The following TMEM9 variants were observed in gnomAD, a reference collection of about 807,000 sequenced individuals.
TMEM9 encodes the protein transmembrane protein 9.
In TMEM9, 13 loss-of-function variants were observed where a neutral mutation model predicts 22.8. The ratio of observed to expected loss-of-function variants is 0.57; its 90% CI spans 0.37 to 0.91. TMEM9 has a LOEUF of 0.91. Ranked by LOEUF, TMEM9 falls within the 40% of genes least tolerant of loss-of-function variation. The pLI, the probability that TMEM9 is intolerant of heterozygous loss-of-function variation, is 0.01. For synonymous variants in TMEM9, 88 were observed against 93.0 expected (o/e 0.95, Z 0.31); for missense variants, 182 against 238.1 (o/e 0.76, Z 1.55).
intron 2 of TMEM9, among the ~76,000 whole-genome samples, chr1:201,151,374 G>A (rs1249277212): frequency 6.6e-6 from 1 of 152,164 alleles, no homozygotes; most frequent in Non-Finnish European, 1.5e-5. Flanking sequence ...ACTTTACAAG[G>A]ATGCTATAAG....
intron 4 of TMEM9, among the ~76,000 whole-genome samples, chr1:201,138,038 T>TG (rs760743221): frequency 6.6e-6 from 1 of 152,324 alleles, no homozygotes; most frequent in East Asian, 1.9e-4. Context: ...GACTTGGCTC[T>TG]GGGGGCTGGA....
At chr1:201,147,173 T>G (rs1665047123) in intron 2 of TMEM9, among the ~76,000 whole-genome samples, 1 of 152,206 alleles carries the variant, frequency 6.6e-6, no homozygotes, top group African/African-American at 2.4e-5. Context: ...TGTGCTCATC[T>G]GTCCCAAAGG....
At chr1:201,164,012 T>C (rs910656486) in intron 1 of TMEM9, among the ~76,000 whole-genome samples, 2 of 152,212 alleles carry the variant, frequency 1.3e-5, no homozygotes, top group African/African-American at 4.8e-5. Flanking sequence ...TTAAACAAAC[T>C]TCAGTATGTC....
chr1:201,143,097 G>A (rs1482062756), intron 4 of TMEM9, among the ~76,000 whole-genome samples: 1 of 152,218 alleles, frequency 6.6e-6, no homozygotes, highest in Admixed American at 6.5e-5. Flanking sequence ...TCCAAGCCCT[G>A]CCAGCTCCCC....
intron 1 of TMEM9, among the ~76,000 whole-genome samples, chr1:201,164,422 AT>A (rs1336086582): frequency 1.3e-5 from 2 of 152,178 alleles, no homozygotes; most frequent in African/African-American, 4.8e-5. Flanking sequence ...TCAAAAGTTA[AT>A]TTTTTAAAAG....
intron 1 of TMEM9, chr1:201,171,466 C>T (rs1666208725): frequency 6.6e-6 from 1 of 152,266 alleles, no homozygotes; most frequent in Non-Finnish European, 1.5e-5. Context: ...CACATAAACA[C>T]TTCACACGAG....
intron 4 of TMEM9, among the ~76,000 whole-genome samples, chr1:201,139,745 G>A (rs140642958): frequency 4.6e-5 from 7 of 152,192 alleles, no homozygotes; most frequent in South Asian, 2.1e-4. Flanking sequence ...TCTTAAGGAC[G>A]AGCAAACACT....
intron 1 of TMEM9, among the ~76,000 whole-genome samples, chr1:201,164,945 A>C (rs1666035234): frequency 6.6e-6 from 1 of 151,876 alleles, no homozygotes; most frequent in South Asian, 2.1e-4. Context: ...TCTGATTGGC[A>C]GTCTCCCTAG....
chr1:201,156,013 G>A (rs574256592), upstream of TMEM9, among the ~76,000 whole-genome samples: 42 of 152,184 alleles, frequency 2.8e-4, no homozygotes, highest in African/African-American at 1.0e-3. Flanking sequence ...TTCAAGTACT[G>A]GAAAAAGACA....
intron 1 of TMEM9, among the ~76,000 whole-genome samples, chr1:201,167,286 G>A (rs542080175): frequency 6.6e-5 from 10 of 152,180 alleles, no homozygotes; most frequent in Admixed American, 3.3e-4. Context: ...CTCTCTGAAG[G>A]CTCAGAGGTT....
chr1:201,143,528 G>A (rs915470193), intron 4 of TMEM9, among the ~76,000 whole-genome samples: 16 of 152,322 alleles, frequency 1.1e-4, no homozygotes, highest in Non-Finnish European at 1.8e-4. Context: ...GTATCTATGT[G>A]TGACTGGCTC....
At chr1:201,136,651 G>C (rs80030977) in intron 4 of TMEM9, among the ~76,000 whole-genome samples, 1 of 152,238 alleles carries the variant, frequency 6.6e-6, no homozygotes, top group South Asian at 2.1e-4. Flanking sequence ...TGTTGCTGCC[G>C]TCAAAAGCAT....
At chr1:201,165,338 G>A (rs1047971122) in intron 1 of TMEM9, among the ~76,000 whole-genome samples, 2 of 151,414 alleles carry the variant, frequency 1.3e-5, no homozygotes, top group African/African-American at 4.8e-5. Context: ...AGCCAAGGGT[G>A]TAATGCTCAT....
At chr1:201,159,819 C>T (rs1466970430) in intron 1 of TMEM9, among the ~76,000 whole-genome samples, 1 of 152,156 alleles carries the variant, frequency 6.6e-6, no homozygotes, top group Non-Finnish European at 1.5e-5. Flanking sequence ...TATAAATGCA[C>T]ACACAGATGT....
chr1:201,135,093 G>A lies in TMEM9; in HGVS notation c.*570C>T, dbSNP rs1663856460. 1 of 152,856 alleles carries A rather than the reference G, an allele frequency of 6.5e-6. No individual in the cohort carries two copies. The highest frequency in any genetic ancestry group is 6.5e-5 in the Admixed American group (1 of 15,290). The allele number at this position is 152,856 out of a possible 1,614,324, so 9.5% of individuals were successfully genotyped here. On this transcript the variant is annotated 3_prime_UTR_variant, in exon 5 of 5. Coordinates refer to ENST00000367330, the MANE Select transcript of TMEM9 (RefSeq NM_001288565.2). ...AGTGCACAGGGGACAGCGAACACCA[G>A]CTTCCAGTGCACCCTGAAGACCCAG... is the stretch of plus-strand genomic sequence containing the variant.
chr1:201,147,810 C>T (rs1665100847), intron 2 of TMEM9, among the ~76,000 whole-genome samples: 1 of 152,176 alleles, frequency 6.6e-6, no homozygotes, highest in Non-Finnish European at 1.5e-5. Context: ...TCCCAACCTC[C>T]AGCCACACGG....
intron 4 of TMEM9, among the ~76,000 whole-genome samples, chr1:201,141,629 C>T (rs561970526): frequency 4.3e-4 from 65 of 152,192 alleles, no homozygotes; most frequent in African/African-American, 1.3e-3. Flanking sequence ...ATCCCAGGGC[C>T]GCAACTTCCC....
intron 2 of TMEM9, among the ~76,000 whole-genome samples, chr1:201,150,607 G>A (rs1665347859): frequency 6.6e-6 from 1 of 152,164 alleles, no homozygotes; most frequent in Admixed American, 6.5e-5. Context: ...GTGGAACACA[G>A]AGTCTGTCTA....
At chr1:201,146,513 T>C (rs1294502693) in intron 3 of TMEM9, 2 of 634,416 alleles carry the variant, frequency 3.2e-6, no homozygotes, top group African/African-American at 3.6e-5. Context: ...CCCAGGGCTC[T>C]CCCCTCTCAC....
Sources: allele counts gnomAD v4.1 joint callset (sites outside exome capture counted in the v4.1 genomes callset), GRCh38; gene constraint gnomAD v4.1.1; transcripts MANE v1.5; gene names NCBI Gene and HGNC (gene_info 2026-07-23, HGNC 2026-07-21).